UBP1: variants seen among roughly 807,000 people sequenced by gnomAD.
The protein encoded by UBP1 is upstream binding protein 1.
In UBP1, 22 loss-of-function variants were observed where a neutral mutation model predicts 76.1. That is an observed-to-expected ratio of 0.29 (90% confidence interval 0.21 to 0.41). The LOEUF is 0.41. UBP1 is among the 10% of genes least tolerant of loss of function. UBP1 has a pLI of 1.00. For synonymous variants in UBP1, 224 were observed against 237.1 expected (o/e 0.94, Z 0.51); for missense variants, 436 against 668.1 (o/e 0.65, Z 3.83).
chr3:33,411,072 C>CAA (rs893694272), intron 5 of UBP1, among the ~76,000 whole-genome samples: 36 of 65,538 alleles, frequency 5.5e-4, no homozygotes, highest in African/African-American at 1.6e-3. Flanking sequence ...AACTCCATCT[C>CAA]AAAAAAAAAA....
intron 2 of UBP1, among the ~76,000 whole-genome samples, chr3:33,423,348 T>A (rs370356631): frequency 4.0e-5 from 6 of 151,114 alleles, no homozygotes; most frequent in African/African-American, 1.5e-4. Context: ...CCATATTTTT[T>A]AAAATTACTA....
rs746407193 is a variant in UBP1 at position 33,392,543 on chromosome 3, C to G, written c.1585+20G>C. ...CTCTCATGATTCCAGCATTTTAAGA[C>G]ACACACACATGCAAAGTACCTTTTA... is the stretch of plus-strand genomic sequence containing the variant. On this transcript the variant is annotated intron_variant, in intron 15 of 15. Transcript: ENST00000283629. 18 of 1,597,276 alleles carry G rather than the reference C, an allele frequency of 1.1e-5. No individual in the cohort carries two copies. Among genetic ancestry groups the G allele is most frequent in the Non-Finnish European group, 1.5e-5 (18 of 1,171,444 alleles).
At chr3:33,396,028 T>C in intron 13 of UBP1, 134 bp downstream of exon 13, 1 of 690,386 alleles carries the variant, frequency 1.4e-6, no homozygotes, top group Non-Finnish European at 2.3e-6. Context: ...CTCTCATTGC[T>C]GTCAAGGCTC....
At chr3:33,397,162 C>T (rs1247977201) in intron 11 of UBP1, 27 bp from the exon 12 acceptor site, 10 of 1,526,664 alleles carry the variant, frequency 6.6e-6, no homozygotes, top group Non-Finnish European at 8.8e-6. Context: ...ATATTTTTCT[C>T]AAATAAATGG....
chr3:33,416,203 G>A (rs780183516), intron 3 of UBP1: 1 of 152,200 alleles, frequency 6.6e-6, no homozygotes, highest in Non-Finnish European at 1.5e-5. Context: ...CATTAACCCT[G>A]CCCTGTAATG....
intron 11 of UBP1, 67 bp downstream of exon 11, chr3:33,400,122 G>T: frequency 2.8e-6 from 3 of 1,089,770 alleles, no homozygotes; most frequent in Non-Finnish European, 3.8e-6. Flanking sequence ...AAAATATAAA[G>T]TTAATAAAAG....
rs906409095 is a variant in UBP1 at position 33,440,177 on chromosome 3, G to C, written c.-329C>G. ...CCGACCGCCCCGCCCGGGGCCCCCC[G>C]GTCGCATCCTCCTCCGGGACCGCTG... On this transcript the variant is annotated 5_prime_UTR_variant, in exon 1 of 16. Coordinates refer to ENST00000283629, the MANE Select transcript of UBP1 (RefSeq NM_014517.5). 6 of 157,374 alleles carry C rather than the reference G, an allele frequency of 3.8e-5. No individual in the cohort carries two copies. Among genetic ancestry groups the C allele is most frequent in the African/African-American group, 1.5e-4 (6 of 40,986 alleles). 9.7% of individuals were successfully genotyped at this position (157,374 alleles called of 1,614,324 possible). A position where few individuals can be genotyped will look rare whatever the true frequency, so the allele number is the denominator to read the frequency against.
At chr3:33,413,222 A>C (rs1272983065) in intron 3 of UBP1, among the ~76,000 whole-genome samples, 2 of 152,190 alleles carry the variant, frequency 1.3e-5, no homozygotes, top group Non-Finnish European at 1.5e-5. Flanking sequence ...AACAATGGTA[A>C]AACTTTGTTA....
intron 8 of UBP1, 46 bp from the exon 9 acceptor site, chr3:33,402,950 T>A (rs201214630): frequency 6.7e-6 from 10 of 1,483,010 alleles, no homozygotes; most frequent in Non-Finnish European, 9.2e-6. Flanking sequence ...TTTTAAAATA[T>A]GTGGAAGAAA....
At chr3:33,392,801 G>T (rs918638695) in intron 14 of UBP1, 187 bp from the exon 15 acceptor site, 1 of 535,396 alleles carries the variant, frequency 1.9e-6, no homozygotes, top group Admixed American at 3.8e-5. Flanking sequence ...CACTATGCCT[G>T]TCCATAATGG....
chr3:33,418,585 G>A (rs941287255), intron 2 of UBP1, among the ~76,000 whole-genome samples: 11 of 151,882 alleles, frequency 7.2e-5, no homozygotes, highest in Non-Finnish European at 7.4e-5. Context: ...TAGGCTGCGC[G>A]CAGTGGCTCA....
At chr3:33,398,478 A>T (rs898488974) in intron 11 of UBP1, 2 of 152,210 alleles carry the variant, frequency 1.3e-5, no homozygotes, top group Admixed American at 6.5e-5. Context: ...CCCTTAACCC[A>T]TACAGAGAAC....
intron 8 of UBP1, among the ~76,000 whole-genome samples, chr3:33,406,980 A>G (rs1309203606): frequency 2.0e-5 from 3 of 152,236 alleles, no homozygotes; most frequent in Admixed American, 2.0e-4. Flanking sequence ...AAGTCTGGAT[A>G]TCCCTTTTTA....
At chr3:33,417,195 G>A (rs1403614788) in intron 2 of UBP1, among the ~76,000 whole-genome samples, 1 of 152,106 alleles carries the variant, frequency 6.6e-6, no homozygotes, top group Non-Finnish European at 1.5e-5. Flanking sequence ...TTGGTTTTCA[G>A]TATAGTCAGA....
chr3:33,432,661 GTTTTAACCAC>G (rs2045133610), intron 1 of UBP1, among the ~76,000 whole-genome samples: 1 of 152,130 alleles, frequency 6.6e-6, no homozygotes, highest in Admixed American at 6.5e-5. Context: ...TTCTAAAACA[GTTTTAACCAC>G]TACACATCAG....
At chr3:33,411,329 T>C (rs890507658) in intron 5 of UBP1, among the ~76,000 whole-genome samples, 2 of 152,208 alleles carry the variant, frequency 1.3e-5, no homozygotes, top group African/African-American at 4.8e-5. Context: ...AAAATAGACA[T>C]TTTCATTATT....
At chr3:33,400,143 AAAAC>A (rs770675956) in intron 11 of UBP1, 42 bp downstream of exon 11, 2 of 1,281,988 alleles carry the variant, frequency 1.6e-6, no homozygotes, top group East Asian at 2.8e-5. Context: ...CACAGAAACA[AAAAC>A]AAAACATTCT....
chr3:33,439,677 G>A (rs2045258994), intron 1 of UBP1, 59 bp downstream of exon 1: 2 of 1,571,988 alleles, frequency 1.3e-6, no homozygotes, highest in East Asian at 2.3e-5. Context: ...AGAGACTCAG[G>A]GCTGCGCAGG....
At chr3:33,392,470 C>T (rs2043806837) in intron 15 of UBP1, 93 bp downstream of exon 15, 1 of 1,067,966 alleles carries the variant, frequency 9.4e-7, no homozygotes, top group African/African-American at 1.6e-5. Context: ...GTAAAGCAAT[C>T]ATTTTAAAGA....
Sources: allele counts gnomAD v4.1 joint callset (sites outside exome capture counted in the v4.1 genomes callset), GRCh38; gene constraint gnomAD v4.1.1; transcripts MANE v1.5; gene names NCBI Gene and HGNC (gene_info 2026-07-23, HGNC 2026-07-21).